TFEC: variants seen among roughly 807,000 people sequenced by gnomAD.
TFEC encodes the protein transcription factor EC, also known as class E basic helix-loop-helix protein 34.
A neutral mutation model predicts 41.6 loss-of-function variants in TFEC; 31 were observed. The ratio of observed to expected loss-of-function variants is 0.74; its 90% CI spans 0.56 to 1.01. The LOEUF is 1.01. Ranked by LOEUF, TFEC falls within the 50% of genes least tolerant of loss-of-function variation. The probability of loss-of-function intolerance (pLI) is 0.00; values close to 1 mark genes in which losing one functional copy is unlikely to be tolerated. For missense variants in TFEC, 402 were observed against 404.1 expected (o/e 0.99, Z 0.04); for synonymous variants, 143 against 140.6 (o/e 1.02, Z -0.12).
intron 1 of TFEC, among the ~76,000 whole-genome samples, chr7:115,998,847 G>A (rs932545514): frequency 1.3e-4 from 16 of 127,700 alleles, no homozygotes; most frequent in East Asian, 6.2e-4. Flanking sequence ...TATTATTAGC[G>A]CTAAAGAGAG....
intron 1 of TFEC, among the ~76,000 whole-genome samples, chr7:116,127,821 G>T (rs1798247535): frequency 6.6e-6 from 1 of 151,880 alleles, no homozygotes; most frequent in African/African-American, 2.4e-5. Flanking sequence ...CAAATTCATA[G>T]CATGTTATGG....
chr7:115,981,132 T>C (rs895049521), intron 2 of TFEC, among the ~76,000 whole-genome samples: 2 of 152,060 alleles, frequency 1.3e-5, no homozygotes, highest in African/African-American at 4.8e-5. Flanking sequence ...AGCCCCACCC[T>C]AATCCTCCTT....
chr7:115,984,173 G>A (rs949266401), intron 2 of TFEC, 89 bp downstream of exon 2: 48 of 1,481,778 alleles, frequency 3.2e-5, no homozygotes, highest in Non-Finnish European at 4.2e-5. Context: ...CAATCAGAAT[G>A]TTTACTGTAA....
chr7:116,091,457 T>C (rs1797325758), intron 3 of TFEC, among the ~76,000 whole-genome samples: 1 of 152,208 alleles, frequency 6.6e-6, no homozygotes, highest in Non-Finnish European at 1.5e-5. Context: ...AGTGTGCTTC[T>C]CCCTCAGCTA....
chr7:115,957,015 G>A (rs967784881), intron 3 of TFEC, among the ~76,000 whole-genome samples: 5 of 151,864 alleles, frequency 3.3e-5, no homozygotes, highest in African/African-American at 1.2e-4. Context: ...AGTTATATGT[G>A]TTTAAGCAAA....
intron 1 of TFEC, among the ~76,000 whole-genome samples, chr7:116,159,386 T>C (rs528968844): frequency 6.6e-6 from 1 of 151,970 alleles, no homozygotes; most frequent in Admixed American, 6.6e-5. Flanking sequence ...TATATAATAA[T>C]TATATTTTCA....
intron 1 of TFEC, among the ~76,000 whole-genome samples, chr7:116,000,008 C>A (rs1794526538): frequency 6.6e-6 from 1 of 151,984 alleles, no homozygotes; most frequent in African/African-American, 2.4e-5. Context: ...CAGACAAAGA[C>A]ATATCAATAA....
rs140366806 is a variant in TFEC at position 115,984,342 on chromosome 7, C to T, written c.100G>A (p.Asp34Asn). The change falls in exon 2 of 8, where the codon GAC (aspartate) becomes AAC (asparagine). Residue 34 changes from aspartate to asparagine, a missense_variant. Transcript: ENST00000265440. ...TTTTCTGTGAGGCCAGCATCACTGTCCAGAGTTGTGTGTGCATGCTGCACA... is the reference window on the plus strand; with the variant it reads ...TTTTCTGTGAGGCCAGCATCACTGTTCAGAGTTGTGTGTGCATGCTGCACA... ...PLVQHAHTTL[D>N]SDAGLTENPL... 0.023 allele frequency: 37,083 copies of T among 1,614,066 alleles called. 520 individuals carry two copies. The highest frequency in any genetic ancestry group is 0.027 in the Non-Finnish European group (31,453 of 1,179,960).
chr7:115,958,026 A>G (rs1490394142), intron 3 of TFEC, among the ~76,000 whole-genome samples: 1 of 152,010 alleles, frequency 6.6e-6, no homozygotes, highest in Admixed American at 6.6e-5. Context: ...TTAGACTTAT[A>G]TGGCTCTCAG....
intron 6 of TFEC, among the ~76,000 whole-genome samples, chr7:115,942,528 T>C (rs745901539): frequency 8.5e-5 from 13 of 152,062 alleles, no homozygotes; most frequent in Non-Finnish European, 1.6e-4. Flanking sequence ...TCCTGAATGG[T>C]GATCCTGAGC....
At chr7:116,088,259 G>C (rs1226559465) in intron 3 of TFEC, among the ~76,000 whole-genome samples, 1 of 152,086 alleles carries the variant, frequency 6.6e-6, no homozygotes, top group Non-Finnish European at 1.5e-5. Flanking sequence ...ATAGAACTCT[G>C]TGCTGACCCC....
intron 7 of TFEC, chr7:115,941,500 A>G (rs1793495879): frequency 5.1e-6 from 1 of 196,786 alleles, no homozygotes; most frequent in Admixed American, 5.9e-5. Flanking sequence ...GTCCAATATA[A>G]TGTAGAGAAA....
intron 3 of TFEC, among the ~76,000 whole-genome samples, chr7:116,065,148 C>T (rs1796664706): frequency 6.6e-6 from 1 of 152,048 alleles, no homozygotes; most frequent in African/African-American, 2.4e-5. Flanking sequence ...CAGACCAGCA[C>T]AAGAGGAAAA....
At position 115,959,309 on chromosome 7, in the gene TFEC, C is replaced by G. The variant is rs144619296; in HGVS notation, c.268-2516G>C. ...CTTCTCTATAAGGCAATACTTCTTT[C>G]TGATAGAAAAAAGTGAACTCCTGAT... On this transcript the variant is annotated intron_variant, in intron 3 of 7. Coordinates refer to ENST00000265440, the MANE Select transcript of TFEC (RefSeq NM_012252.4). Among the ~76,000 whole-genome samples the G allele has an allele frequency of 3.5e-3, 529 of 151,786 alleles. 1 individual carries two copies. Among genetic ancestry groups the G allele is most frequent in the African/African-American group, 0.012 (513 of 41,482 alleles).
At chr7:116,155,967 T>A (rs148284023) in intron 1 of TFEC, among the ~76,000 whole-genome samples, 1,611 of 152,332 alleles carry the variant, frequency 0.011, 24 homozygotes, top group African/African-American at 0.035. Context: ...AAATTTTGAT[T>A]TTTAAAAAAT....
At chr7:116,049,273 G>C (rs1249798719) in intron 3 of TFEC, among the ~76,000 whole-genome samples, 1 of 152,064 alleles carries the variant, frequency 6.6e-6, no homozygotes, top group Non-Finnish European at 1.5e-5. Context: ...TCAAAATAAA[G>C]GGATGGAGGA....
intron 1 of TFEC, among the ~76,000 whole-genome samples, chr7:116,143,567 C>T (rs973145642): frequency 6.6e-6 from 1 of 152,174 alleles, no homozygotes; most frequent in Non-Finnish European, 1.5e-5. Context: ...ACTGAAATTG[C>T]TGAAGTCTAA....
At chr7:116,094,999 G>A (rs1051514508) in intron 3 of TFEC, among the ~76,000 whole-genome samples, 8 of 152,156 alleles carry the variant, frequency 5.3e-5, no homozygotes, top group African/African-American at 1.7e-4. Context: ...TTCAGCAGAT[G>A]AACTGCTACT....
At chr7:116,004,670 G>C (rs1373987731) in intron 1 of TFEC, among the ~76,000 whole-genome samples, 1 of 151,960 alleles carries the variant, frequency 6.6e-6, no homozygotes, top group Non-Finnish European at 1.5e-5. Flanking sequence ...AAAGAACCAG[G>C]GGCAGTATGC....
Sources: allele counts gnomAD v4.1 joint callset (sites outside exome capture counted in the v4.1 genomes callset), GRCh38; gene constraint gnomAD v4.1.1; transcripts MANE v1.5; gene names NCBI Gene and HGNC (gene_info 2026-07-23, HGNC 2026-07-21).